The following POTEC variants were observed in gnomAD, a reference collection of about 807,000 sequenced individuals.
POTEC encodes POTE ankyrin domain family member C.
Under a neutral mutation model 62.0 loss-of-function variants are expected in POTEC, and 35 were observed. The ratio of observed to expected loss-of-function variants is 0.56; its 90% CI spans 0.43 to 0.75. POTEC has a LOEUF of 0.75. Among genes scored for constraint, POTEC ranks in the 30% least tolerant of loss-of-function variants. The probability of loss-of-function intolerance (pLI) is 0.00; values close to 1 mark genes in which losing one functional copy is unlikely to be tolerated. For missense variants in POTEC, 472 were observed against 655.9 expected, an observed-to-expected ratio of 0.72 and a Z score of 3.06; for synonymous variants, 156 against 221.5, an observed-to-expected ratio of 0.70 and a Z score of 2.62.
intron 1 of POTEC, 130 bp downstream of exon 1, chr18:14,542,496 G>C (rs1215562957): frequency 6.2e-6 from 9 of 1,443,288 alleles, no homozygotes; most frequent in Non-Finnish European, 8.5e-6. Flanking sequence ...ACCTCTCTGA[G>C]GTTTCCACAC....
At chr18:14,522,741 G>A (rs1260861557) in intron 8 of POTEC, among the ~76,000 whole-genome samples, 1 of 151,524 alleles carries the variant, frequency 6.6e-6, no homozygotes, top group Admixed American at 6.6e-5. Flanking sequence ...TCTTATATAT[G>A]AATTTACCCC....
rs116272815 is a variant in POTEC at position 14,535,475 on chromosome 18, T to A, written c.811-468A>T. Among the ~76,000 whole-genome samples, 1,341 of 152,220 alleles carry A rather than the reference T, an allele frequency of 8.8e-3. 21 individuals carry two copies. The highest frequency in any genetic ancestry group is 0.031 in the African/African-American group (1,281 of 41,504). On this transcript the variant is annotated intron_variant, in intron 3 of 10. Transcript: ENST00000358970. ...GTGCAATAAATATTGCTATTAATAA[T>A]CACACTGCCCATTTCAAGAATTTTT...
chr18:14,513,584 C>A lies in POTEC; in HGVS notation c.1533+78G>T, dbSNP rs1910070737. On this transcript the variant is annotated intron_variant, in intron 10 of 10. Coordinates refer to ENST00000358970, the MANE Select transcript of POTEC (RefSeq NM_001137671.2). The stretch of plus-strand genomic sequence containing the variant: ...GTGTGTATATATGTGATTTAAAAAT[C>A]CTTTATACCTTCCAAAATAAAGCTT... 4 of 1,510,866 alleles carry A rather than the reference C, an allele frequency of 2.6e-6. No homozygotes were observed. In the Admixed American group the frequency reaches 8.4e-5, roughly 32 times the overall value. 93.6% of individuals were successfully genotyped at this position (1,510,866 alleles called of 1,614,324 possible). A position where few individuals can be genotyped will look rare whatever the true frequency, so the allele number is the denominator to read the frequency against.
rs1402165568 is a variant in POTEC, at chr18:14,527,328, C to T, written c.1127-2345G>A. Among the ~76,000 whole-genome samples, 12 of 152,250 alleles carry T rather than the reference C, an allele frequency of 7.9e-5. No homozygotes were observed. The South Asian group carries it at 2.1e-3, about 26-fold the overall frequency. On this transcript the variant is annotated intron_variant, in intron 6 of 10. Transcript: ENST00000358970. Reference sequence around the variant, plus strand: ...GCCCTGCTAAAGGGATTCTGTTTGGCTGCAGGCTGCAAGAGGGGAAAAACA... The same window carrying T: ...GCCCTGCTAAAGGGATTCTGTTTGGTTGCAGGCTGCAAGAGGGGAAAAACA...
At chr18:14,522,764 G>A (rs2143129273) in intron 8 of POTEC, among the ~76,000 whole-genome samples, 1 of 151,294 alleles carries the variant, frequency 6.6e-6, no homozygotes, top group East Asian at 2.0e-4. Context: ...TTGACTCGTG[G>A]GAACACAAAA....
chr18:14,514,460 C>A (rs1450780887), intron 9 of POTEC, among the ~76,000 whole-genome samples: 1 of 152,190 alleles, frequency 6.6e-6, no homozygotes, highest in Non-Finnish European at 1.5e-5. Flanking sequence ...CTGTGTCAAC[C>A]CAAACTTTTT....
intron 6 of POTEC, among the ~76,000 whole-genome samples, 166 bp downstream of exon 6, chr18:14,530,317 A>C (rs1353758548): frequency 2.6e-5 from 4 of 152,104 alleles, no homozygotes; most frequent in Middle Eastern, 3.2e-3. Flanking sequence ...ATTATGATGT[A>C]ATAATAATAT....
At chr18:14,514,362 G>C (rs1201924367) in intron 9 of POTEC, among the ~76,000 whole-genome samples, 1 of 151,842 alleles carries the variant, frequency 6.6e-6, no homozygotes, top group Non-Finnish European at 1.5e-5. Flanking sequence ...AGCTTCACTT[G>C]CTCCCTACCA....
intron 9 of POTEC, among the ~76,000 whole-genome samples, chr18:14,518,212 G>A (rs1910215582): frequency 6.6e-6 from 1 of 152,094 alleles, no homozygotes; most frequent in Non-Finnish European, 1.5e-5. Flanking sequence ...TGAGGATATT[G>A]TAGTGAAAAA....
intron 9 of POTEC, among the ~76,000 whole-genome samples, chr18:14,516,017 C>A (rs1910140652): frequency 6.6e-6 from 1 of 151,090 alleles, no homozygotes; most frequent in Non-Finnish European, 1.5e-5. Context: ...ATAAAAAAAA[C>A]AGCAGATGTT....
intron 9 of POTEC, among the ~76,000 whole-genome samples, chr18:14,517,610 C>T (rs1910199449): frequency 6.6e-6 from 1 of 151,986 alleles, no homozygotes; most frequent in South Asian, 2.1e-4. Context: ...GCCTGTAATC[C>T]CAGCACTTTG....
At chr18:14,541,777 T>C (rs1323489168) in intron 1 of POTEC, among the ~76,000 whole-genome samples, 1 of 151,906 alleles carries the variant, frequency 6.6e-6, no homozygotes, top group Non-Finnish European at 1.5e-5. Context: ...GGTAGTTTTC[T>C]CCAAACAGCA....
chr18:14,542,719 A>C lies in POTEC; in HGVS notation c.428T>G (p.Leu143Arg). ...CTTACCCCACCAGGCAGCTCTGTGG[A>C]GCTTGTCCAGATCTTCTCGACGGAC... ...YHVRREDLDKLHRAAWWGKVP... is the reference protein window; with the variant it reads ...YHVRREDLDKRHRAAWWGKVP... The change falls in exon 1 of 11, where the codon CTC becomes CGC. Residue 143 changes from leucine to arginine, a missense_variant. Transcript: ENST00000358970. 6.2e-7 allele frequency: 1 copy of C among 1,613,076 alleles called. No individual in the cohort carries two copies. Among genetic ancestry groups the C allele is most frequent in the East Asian group, 2.2e-5 (1 of 44,852 alleles).
At position 14,510,524 on chromosome 18, in the gene POTEC, G is replaced by A. The variant is rs1438266323; in HGVS notation, c.*1374C>T. On this transcript the variant is annotated 3_prime_UTR_variant, in exon 11 of 11. Transcript: ENST00000358970. ...TTCTGTGGGGCTGCCGTGGTATGCT[G>A]GGGGTCCACTCCAGTCGCCAATTGC... 2 of 152,000 alleles carry A rather than the reference G, an allele frequency of 1.3e-5. No homozygotes were observed. Among genetic ancestry groups the A allele is most frequent in the Admixed American group, 1.3e-4 (2 of 15,260 alleles). 9.4% of individuals were successfully genotyped at this position (152,000 alleles called of 1,614,324 possible). A position where few individuals can be genotyped will look rare whatever the true frequency, so the allele number is the denominator to read the frequency against.
At chr18:14,539,142 C>G (rs1199486908) in intron 1 of POTEC, among the ~76,000 whole-genome samples, 3 of 151,916 alleles carry the variant, frequency 2.0e-5, no homozygotes, top group Non-Finnish European at 2.9e-5. Context: ...AGCATGGGCT[C>G]ATTTTTTTCA....
intron 4 of POTEC, among the ~76,000 whole-genome samples, chr18:14,533,739 T>C (rs554777064): frequency 1.6e-3 from 244 of 152,290 alleles, no homozygotes; most frequent in African/African-American, 5.7e-3. Flanking sequence ...CTTTGAAGGA[T>C]ATATTCTCCT....
chr18:14,537,261 A>C (rs1905774235), intron 3 of POTEC, among the ~76,000 whole-genome samples: 1 of 147,554 alleles, frequency 6.8e-6, no homozygotes, highest in African/African-American at 2.5e-5. Context: ...TTCCCCCATT[A>C]CCTAATTTCC....
intron 9 of POTEC, among the ~76,000 whole-genome samples, 180 bp downstream of exon 9, chr18:14,522,074 T>C (rs1157485673): frequency 6.6e-6 from 1 of 151,432 alleles, no homozygotes; most frequent in Admixed American, 6.6e-5. Context: ...ATTTTTCAAA[T>C]AAATTAATGA....
intron 10 of POTEC, 76 bp downstream of exon 10, chr18:14,513,586 T>C: frequency 4.0e-6 from 6 of 1,518,530 alleles, no homozygotes; most frequent in African/African-American, 1.4e-5. Context: ...TTAAAAATCC[T>C]TTATACCTTC....
Sources: gnomAD v4.1 joint callset for allele counts (sites outside exome capture counted in the v4.1 genomes callset) on GRCh38, gnomAD v4.1.1 for gene constraint, MANE v1.5 for transcripts, NCBI Gene and HGNC (gene_info 2026-07-23, HGNC 2026-07-21) for gene names.